The following KDM4A variants were observed in gnomAD, a reference collection of about 807,000 sequenced individuals.
KDM4A encodes lysine-specific demethylase 4A.
KDM4A carries 23 observed loss-of-function variants against 127.1 expected under a neutral mutation model. That is an observed-to-expected ratio of 0.18 (90% CI 0.13 to 0.26). The LOEUF is 0.26. KDM4A is among the 10% of genes least tolerant of loss of function. The pLI is 1.00. For synonymous variants in KDM4A, 443 were observed against 466.5 expected (o/e 0.95, Z 0.65); for missense variants, 890 against 1,329.1 (o/e 0.67, Z 5.14).
chr1:43,663,933 C>T (rs36049844), intron 5 of KDM4A, among the ~76,000 whole-genome samples: 2,845 of 152,254 alleles, frequency 0.019, 43 homozygotes, highest in Non-Finnish European at 0.028. Flanking sequence ...TGTACCCGGC[C>T]CATCTCAGCA....
chr1:43,661,904 T>C (rs1442794262), intron 4 of KDM4A, among the ~76,000 whole-genome samples: 1 of 152,110 alleles, frequency 6.6e-6, no homozygotes, highest in Middle Eastern at 3.2e-3. Context: ...TTTTTGTTCT[T>C]TTGTTTTTGA....
chr1:43,663,115 G>C, intron 5 of KDM4A, 28 bp downstream of exon 5: 4 of 1,592,910 alleles, frequency 2.5e-6, no homozygotes, highest in Non-Finnish European at 3.4e-6. Context: ...TCGGCACCGG[G>C]CTTCTATGCT....
chr1:43,682,725 T>C (rs1660886060), intron 11 of KDM4A, among the ~76,000 whole-genome samples: 1 of 152,240 alleles, frequency 6.6e-6, no homozygotes, highest in African/African-American at 2.4e-5. Flanking sequence ...TGTTTTCTCT[T>C]GGCATTCCAA....
intron 6 of KDM4A, 106 bp downstream of exon 6, chr1:43,665,851 T>A: frequency 2.6e-6 from 3 of 1,137,114 alleles, no homozygotes; most frequent in South Asian, 1.3e-5. Context: ...CAGGTCCTGT[T>A]GCAGGCCTGC....
At position 43,694,246 on chromosome 1, in the gene KDM4A, G is replaced by A. The variant is rs1661187786; in HGVS notation, c.2484+144G>A. Reference sequence around the variant, plus strand: ...GATTCCTTAGTGGAGGCCAGGTGTGGTGGCTCACACCTGTAATCCCAGCCC... The same window carrying A: ...GATTCCTTAGTGGAGGCCAGGTGTGATGGCTCACACCTGTAATCCCAGCCC... On this transcript the variant is annotated intron_variant, in intron 17 of 21. Coordinates refer to ENST00000372396, the MANE Select transcript of KDM4A (RefSeq NM_014663.3). The surrounding 1 kb of genome is among the most constrained non-coding windows in gnomAD (Gnocchi z 5.2). 1.5e-6 allele frequency: 1 copy of A among 682,170 alleles called. No homozygotes were observed. The highest frequency in any genetic ancestry group is 1.9e-5 in the South Asian group (1 of 53,678). The allele number at this position is 682,170 out of a possible 1,614,324, so 42.3% of individuals were successfully genotyped here.
chr1:43,686,148 CTTGTTT>C (rs1185657116), intron 12 of KDM4A, among the ~76,000 whole-genome samples: 27 of 106,434 alleles, frequency 2.5e-4, no homozygotes, highest in Admixed American at 2.0e-4. Flanking sequence ...TTTTTTGTTT[CTTGTTT>C]TTTTTTTTTT....
At chr1:43,686,715 T>C (rs1248672624) in intron 12 of KDM4A, among the ~76,000 whole-genome samples, 3 of 152,238 alleles carry the variant, frequency 2.0e-5, no homozygotes, top group African/African-American at 7.2e-5. Flanking sequence ...TTATTTCTTT[T>C]GAACTCTAAT....
At chr1:43,690,641 C>T in intron 13 of KDM4A, 1 of 613,072 alleles carries the variant, frequency 1.6e-6, no homozygotes, top group Non-Finnish European at 2.9e-6. Context: ...CCCTAGGGGC[C>T]TTTGTATGAT....
rs529475489 is a variant in KDM4A, at chr1:43,687,519, G to C, written c.1856-1395G>C. 2.6e-5 allele frequency among the ~76,000 whole-genome samples: 4 copies of C among 152,344 alleles called. No individual in the cohort carries two copies. The South Asian group carries it at 8.3e-4, about 32-fold the overall frequency. On this transcript the variant is annotated intron_variant, in intron 12 of 21. Transcript: ENST00000372396. ...GAGAGCCAGTCTCCTGTCAGGGGCC[G>C]CATACTTGGGCCTTGCTTGGTCACA...
chr1:43,665,408 A>G (rs534167235), intron 5 of KDM4A, among the ~76,000 whole-genome samples: 3 of 152,196 alleles, frequency 2.0e-5, no homozygotes, highest in South Asian at 2.1e-4. Flanking sequence ...GAACAACATT[A>G]TAAAGGAGAG....
At position 43,660,365 on chromosome 1, in the gene KDM4A, A is replaced by C. The variant is rs774064814; in HGVS notation, c.382A>C (p.Asn128His). ...ERKYWKNLTFNPPIYGADVNG... is the reference protein window; with the variant it reads ...ERKYWKNLTFHPPIYGADVNG... ...GAAATACTGGAAAAATCTTACATTC[A>C]ATCCTCCAATCTATGGTGCAGATGT... Residue 128 changes from asparagine (N) to histidine (H), a missense_variant, in exon 4 of 22, where the codon AAT becomes CAT. This residue lies in a region of KDM4A where 141 missense variants were observed against 273.5 expected (regional missense o/e 0.52). Coordinates refer to ENST00000372396, the MANE Select transcript of KDM4A (RefSeq NM_014663.3). 5 of 1,612,828 alleles carry C rather than the reference A, an allele frequency of 3.1e-6. No homozygotes were observed. The highest frequency in any genetic ancestry group is 1.3e-5 in the African/African-American group (1 of 74,916).
intron 5 of KDM4A, 105 bp from the exon 6 acceptor site, chr1:43,665,591 T>TAA: frequency 1.6e-5 from 15 of 911,880 alleles, no homozygotes; most frequent in Non-Finnish European, 2.4e-5. Flanking sequence ...CTTGGGAAGT[T>TAA]AAAAAAAAAA....
intron 2 of KDM4A, chr1:43,653,522 AG>A (rs912834392): frequency 1.2e-5 from 5 of 409,742 alleles, no homozygotes; most frequent in African/African-American, 8.3e-5. Context: ...TGGAATCTTC[AG>A]AAAGGGGGAG....
At chr1:43,692,795 C>T (rs1443541862) in intron 16 of KDM4A, among the ~76,000 whole-genome samples, 2 of 152,152 alleles carry the variant, frequency 1.3e-5, no homozygotes, top group Non-Finnish European at 2.9e-5. Context: ...ACTATGGAAC[C>T]GAATCTGCTG....
At chr1:43,667,242 T>C (rs1660519057) in intron 8 of KDM4A, 151 bp downstream of exon 8, 1 of 869,538 alleles carries the variant, frequency 1.2e-6, no homozygotes, top group Non-Finnish European at 1.8e-6. Flanking sequence ...CATTTTGTGT[T>C]CATAAGGAAT....
chr1:43,684,859 G>A (rs1487873161), intron 12 of KDM4A, among the ~76,000 whole-genome samples: 1 of 152,230 alleles, frequency 6.6e-6, no homozygotes. Context: ...CCTGCAATAT[G>A]AAGGTCTGAA....
In KDM4A at chr1:43,669,258, A is replaced by G; in HGVS notation, c.1322A>G (p.His441Arg). Residue 441 changes from histidine to arginine, a missense_variant, in exon 10 of 22, where the codon CAT (histidine) becomes CGT (arginine). Coordinates refer to ENST00000372396, the MANE Select transcript of KDM4A (RefSeq NM_014663.3). The stretch of plus-strand genomic sequence containing the variant: ...GCCCTCGCCCCTGTGAGGCCCACCC[A>G]TAGCTCTGTGCGGCAAGTTGAGGAT... ...PAALAPVRPT[H>R]SSVRQVEDGL... The G allele has an allele frequency of 2.5e-6, 4 of 1,614,224 alleles. No individual in the cohort carries two copies. The highest frequency in any genetic ancestry group is 3.4e-6 in the Non-Finnish European group (4 of 1,180,036).
chr1:43,675,068 T>G (rs1393032897), intron 11 of KDM4A, among the ~76,000 whole-genome samples: 1 of 152,168 alleles, frequency 6.6e-6, no homozygotes, highest in Non-Finnish European at 1.5e-5. Flanking sequence ...AACCCTTGAG[T>G]GTCTTCTTGG....
chr1:43,690,630 C>T lies in KDM4A; in HGVS notation c.2038-215C>T, dbSNP rs1661086310. 6.7e-6 allele frequency: 4 copies of T among 595,826 alleles called. No homozygotes were observed. The East Asian group carries it at 8.4e-5, about 13-fold the overall frequency. The allele number at this position is 595,826 out of a possible 1,614,324, so 36.9% of individuals were successfully genotyped here. On this transcript the variant is annotated intron_variant, in intron 13 of 21. Transcript: ENST00000372396. Reference sequence around the variant, plus strand: ...TACCTTGCTCCCTTTTCTCAGTTGTCCCCTAGGGGCCTTTGTATGATGCTG... The same window carrying T: ...TACCTTGCTCCCTTTTCTCAGTTGTTCCCTAGGGGCCTTTGTATGATGCTG...
Sources: gnomAD v4.1 joint callset for allele counts (sites outside exome capture counted in the v4.1 genomes callset) on GRCh38, gnomAD v4.1.1 for gene constraint, gnomAD v4.1.1 regional missense constraint, Gnocchi (gnomAD v3.1) non-coding constraint, MANE v1.5 for transcripts, NCBI Gene and HGNC (gene_info 2026-07-23, HGNC 2026-07-21) for gene names.